Variants in CEP128 observed in about 807,000 individuals in gnomAD.
CEP128 encodes the protein centrosomal protein 128.
In CEP128, 132 loss-of-function variants were observed where a neutral mutation model predicts 156.7. The ratio of observed to expected loss-of-function variants is 0.84; its 90% CI spans 0.73 to 0.97. The LOEUF (loss-of-function observed/expected upper bound fraction) is 0.97, where lower values mean the gene tolerates loss of function less well. CEP128 is among the 50% of genes least tolerant of loss of function. The pLI is 0.00. For synonymous variants in CEP128, 469 were observed against 448.9 expected, an observed-to-expected ratio of 1.04 and a Z score of -0.57; for missense variants, 1,252 against 1,281.9, an observed-to-expected ratio of 0.98 and a Z score of 0.36.
intron 18 of CEP128, among the ~76,000 whole-genome samples, chr14:80,750,302 G>A (rs781148126): frequency 5.3e-5 from 8 of 152,172 alleles, no homozygotes; most frequent in Non-Finnish European, 8.8e-5. Context: ...GGACTGGACC[G>A]TGTCAAATCA....
At chr14:80,951,332 T>C (rs1382123203) in intron 2 of CEP128, among the ~76,000 whole-genome samples, 1 of 152,114 alleles carries the variant, frequency 6.6e-6, no homozygotes, top group Admixed American at 6.5e-5. Flanking sequence ...TGTATGGCGA[T>C]GGAAGCATAA....
chr14:80,789,187 C>T lies in CEP128; in HGVS notation c.1560+3573G>A, dbSNP rs181670510. ...TGTGATGAGAACAACATCAAAGTAG[C>T]TTTCAATGAAGTCCAATGTGACAGG... On this transcript the variant is annotated intron_variant, in intron 14 of 24. Coordinates refer to ENST00000555265, the MANE Select transcript of CEP128 (RefSeq NM_152446.5). 1.5e-4 allele frequency among the ~76,000 whole-genome samples: 23 copies of T among 152,212 alleles called. No homozygotes were observed. The East Asian group carries it at 4.4e-3, about 29-fold the overall frequency.
intron 4 of CEP128, among the ~76,000 whole-genome samples, chr14:80,908,740 T>C (rs1884033704): frequency 6.6e-6 from 1 of 152,212 alleles, no homozygotes; most frequent in Non-Finnish European, 1.5e-5. Context: ...GTAGAAATAA[T>C]TTAAAGTTCT....
chr14:80,918,761 A>G (rs969734315), intron 2 of CEP128, among the ~76,000 whole-genome samples: 1 of 152,196 alleles, frequency 6.6e-6, no homozygotes, highest in Non-Finnish European at 1.5e-5. Flanking sequence ...CAGCATAAAA[A>G]TATCAAGAAA....
chr14:80,586,060 T>C (rs181160186), intron 19 of CEP128, among the ~76,000 whole-genome samples: 28 of 152,264 alleles, frequency 1.8e-4, no homozygotes, highest in Non-Finnish European at 2.5e-4. Flanking sequence ...ATTGGAATCA[T>C]TGACATTTTA....
At chr14:80,952,502 T>C (rs1886488345) in intron 2 of CEP128, among the ~76,000 whole-genome samples, 1 of 151,944 alleles carries the variant, frequency 6.6e-6, no homozygotes. Context: ...GTCTCTAAAG[T>C]AGTATAGGGA....
chr14:80,793,191 T>A, intron 13 of CEP128, 81 bp from the exon 14 acceptor site: 1 of 1,017,146 alleles, frequency 9.8e-7, no homozygotes, highest in South Asian at 1.6e-5. Context: ...CAAGAATCTC[T>A]AATGTCACTG....
In CEP128 at chr14:80,899,924, T is replaced by C. The variant is rs761159170; in HGVS notation, c.572+14A>G. 10 of 1,580,282 alleles carry C rather than the reference T, an allele frequency of 6.3e-6. No individual in the cohort carries two copies. In the East Asian group the frequency reaches 6.7e-5, roughly 11 times the overall value. On this transcript the variant is annotated intron_variant, in intron 7 of 24. Coordinates refer to ENST00000555265, the MANE Select transcript of CEP128 (RefSeq NM_152446.5). ...TAATTTATCCCTCCCATAAAAACCA[T>C]AGGCTGCTTTTACCGGCTCCTTCTG... is the stretch of plus-strand genomic sequence containing the variant.
At chr14:80,755,749 T>A (rs1486951166) in intron 18 of CEP128, among the ~76,000 whole-genome samples, 1 of 152,230 alleles carries the variant, frequency 6.6e-6, no homozygotes, top group African/African-American at 2.4e-5. Flanking sequence ...GGAATTATAG[T>A]ACTGTAGCCC....
At chr14:80,889,573 T>C (rs1007326855) in intron 8 of CEP128, among the ~76,000 whole-genome samples, 5 of 152,174 alleles carry the variant, frequency 3.3e-5, no homozygotes, top group African/African-American at 7.2e-5. Context: ...CTGGCTACCA[T>C]ATGCAGAAAA....
intron 14 of CEP128, among the ~76,000 whole-genome samples, chr14:80,478,558 G>T (rs187622934): frequency 6.6e-6 from 1 of 152,276 alleles, no homozygotes; most frequent in East Asian, 1.9e-4. Context: ...ATGCTTACCA[G>T]TATGTGATCT....
chr14:80,813,550 T>C (rs1240753211), intron 13 of CEP128, among the ~76,000 whole-genome samples: 1 of 152,156 alleles, frequency 6.6e-6, no homozygotes, highest in African/African-American at 2.4e-5. Flanking sequence ...TTCTCCTGTG[T>C]ATGAGCTTGG....
At chr14:80,899,513 AC>A (rs1883405712) in intron 7 of CEP128, among the ~76,000 whole-genome samples, 1 of 152,240 alleles carries the variant, frequency 6.6e-6, no homozygotes, top group South Asian at 2.1e-4. Flanking sequence ...AAAGATTTCA[AC>A]TAAAAGCTAA....
In CEP128 at chr14:80,793,062, A is replaced by G; in HGVS notation, c.1258T>C (p.Leu420=). Residue 420 remains leucine, a synonymous_variant, in exon 14 of 25, where the codon TTG becomes CTG. Coordinates refer to ENST00000555265, the MANE Select transcript of CEP128 (RefSeq NM_152446.5). The part of the protein sequence containing the change: ...ENGEKQQLQM[L]DRLKEIQNHF... ...TTCTGGATCTCCTTAAGTCGATCCA[A>G]CATCTGCAGTTGCTGTTTTTCCCCA... is the stretch of plus-strand genomic sequence containing the variant. 6.2e-7 allele frequency: 1 copy of G among 1,613,868 alleles called. No homozygotes were observed. The highest frequency in any genetic ancestry group is 1.1e-5 in the South Asian group (1 of 91,082).
intron 19 of CEP128, among the ~76,000 whole-genome samples, chr14:80,658,637 A>G (rs1303291605): frequency 4.6e-5 from 7 of 152,224 alleles, no homozygotes; most frequent in South Asian, 2.1e-4. Flanking sequence ...TAATGCAATT[A>G]GTTAACATCT....
chr14:80,532,201 AT>A (rs1222552710), intron 21 of CEP128, among the ~76,000 whole-genome samples: 1 of 147,142 alleles, frequency 6.8e-6, no homozygotes, highest in East Asian at 1.9e-4. Flanking sequence ...ATATATATAT[AT>A]TTTTTTTCTG....
intron 21 of CEP128, among the ~76,000 whole-genome samples, chr14:80,545,140 T>C (rs1452309184): frequency 6.6e-6 from 1 of 152,196 alleles, no homozygotes; most frequent in Non-Finnish European, 1.5e-5. Context: ...AAACCACTTC[T>C]GTGGAGTCTG....
intron 19 of CEP128, among the ~76,000 whole-genome samples, chr14:80,675,544 A>T (rs1317307162): frequency 6.6e-6 from 1 of 152,058 alleles, no homozygotes; most frequent in Non-Finnish European, 1.5e-5. Flanking sequence ...TCCTAAGATT[A>T]TTGGGTCTAT....
chr14:80,830,120 C>T (rs1312399738), intron 13 of CEP128: 7 of 452,442 alleles, frequency 1.5e-5, no homozygotes, highest in Non-Finnish European at 2.4e-5. Flanking sequence ...AAATAATACC[C>T]ATGAAGCAAA....
Sources: gnomAD v4.1 joint callset for allele counts (sites outside exome capture counted in the v4.1 genomes callset) on GRCh38, gnomAD v4.1.1 for gene constraint, MANE v1.5 for transcripts, NCBI Gene and HGNC (gene_info 2026-07-23, HGNC 2026-07-21) for gene names.